The following REXO4 variants were observed in gnomAD, a reference collection of about 807,000 sequenced individuals.
REXO4 encodes REX4 homolog, 3'-5' exonuclease.
Under a neutral mutation model 39.9 loss-of-function variants are expected in REXO4, and 29 were observed. The observed-to-expected ratio is 0.73, with a 90% CI of 0.54 to 0.99. The LOEUF is 0.99. Ranked by LOEUF, REXO4 falls within the 50% of genes least tolerant of loss-of-function variation. The probability of loss-of-function intolerance (pLI) is 0.00; values close to 1 mark genes in which losing one functional copy is unlikely to be tolerated. For missense variants in REXO4, 524 were observed against 546.5 expected, an observed-to-expected ratio of 0.96 and a Z score of 0.41; for synonymous variants, 184 against 206.2, an observed-to-expected ratio of 0.89 and a Z score of 0.92.
At position 133,417,638 on chromosome 9, in the gene REXO4, G is replaced by C. The variant is rs782687368; in HGVS notation, c.207C>G (p.Asn69Lys). ...GCCTCACCTCTTGCAGCGCCTTCCA[G>C]TTTTGAGAAAAGTCTTCTGGTGCCT... is the stretch of plus-strand genomic sequence containing the variant. ...PPKAPEDFSQ[N>K]WKALQEWLLK... is the part of the protein sequence containing the mutation. The change falls in exon 1 of 8, where the codon AAC becomes AAG. Residue 69 changes from asparagine (N) to lysine (K), a missense_variant. Coordinates refer to ENST00000371942, the MANE Select transcript of REXO4 (RefSeq NM_020385.4). 1.6e-5 allele frequency: 26 copies of C among 1,613,748 alleles called. No homozygotes were observed. In the South Asian group the frequency reaches 2.5e-4, roughly 16 times the overall value.
intron 2 of REXO4, among the ~76,000 whole-genome samples, chr9:133,413,459 G>A (rs782031478): frequency 6.6e-6 from 1 of 151,934 alleles, no homozygotes; most frequent in Non-Finnish European, 1.5e-5. Context: ...TAGGAACACA[G>A]ACAAACACAA....
intron 4 of REXO4, 123 bp downstream of exon 4, chr9:133,412,176 A>G: frequency 1.0e-6 from 1 of 987,718 alleles, no homozygotes; most frequent in East Asian, 2.4e-5. Context: ...TCGCCCCAAA[A>G]GGAGACAAGA....
intron 5 of REXO4, 92 bp from the exon 6 acceptor site, chr9:133,408,934 T>TTGTG (rs71503345): frequency 0.018 from 5,821 of 319,838 alleles, 166 homozygotes; most frequent in African/African-American, 0.066. Context: ...AGTAACATCT[T>TTGTG]TGTGTGTGTG....
intron 1 of REXO4, among the ~76,000 whole-genome samples, 191 bp downstream of exon 1, chr9:133,417,429 C>A (rs1309890492): frequency 6.6e-6 from 1 of 152,264 alleles, no homozygotes; most frequent in Admixed American, 6.5e-5. Flanking sequence ...ATAATTCTTT[C>A]ATCAATTTCT....
intron 2 of REXO4, chr9:133,414,346 C>T (rs1554780940): frequency 5.4e-6 from 3 of 557,660 alleles, no homozygotes; most frequent in Non-Finnish European, 1.0e-5. Flanking sequence ...CAGAAACTTG[C>T]CCCAAACCAC....
At chr9:133,409,218 C>T (rs1027440408) in intron 5 of REXO4, among the ~76,000 whole-genome samples, 21 of 152,198 alleles carry the variant, frequency 1.4e-4, no homozygotes, top group South Asian at 4.2e-4. Context: ...CCACCCGCCT[C>T]GGCCTCCCAA....
chr9:133,412,733 C>T (rs781828667), intron 3 of REXO4, 45 bp downstream of exon 3: 23 of 1,599,598 alleles, frequency 1.4e-5, no homozygotes, highest in East Asian at 6.7e-5. Context: ...CCGCCCTCCA[C>T]GGCTAAGCAT....
At chr9:133,418,118 G>C (rs1554782186), upstream of REXO4, 5 of 497,824 alleles carry the variant, frequency 1.0e-5, no homozygotes, top group Non-Finnish European at 1.8e-5. Context: ...TCACCCGCAC[G>C]GGACTTGGGC....
In REXO4 at chr9:133,417,807, G is replaced by A. The variant is rs148117957; in HGVS notation, c.38C>T (p.Pro13Leu). 6.2e-7 allele frequency: 1 copy of A among 1,606,570 alleles called. No individual in the cohort carries two copies. Among genetic ancestry groups the A allele is most frequent in the Non-Finnish European group, 8.5e-7 (1 of 1,179,798 alleles). The change falls in exon 1 of 8, where the codon CCG becomes CTG. Residue 13 changes from proline to leucine, a missense_variant. Transcript: ENST00000371942. ...ACCCGGCTTAGCCACGGGGCTGCTCGGGGCGCGCTTGGAGGCGGGGACCTT... is the reference window on the plus strand; with the variant it reads ...ACCCGGCTTAGCCACGGGGCTGCTCAGGGCGCGCTTGGAGGCGGGGACCTT... ...KAKVPASKRA[P>L]SSPVAKPGPV...
intron 1 of REXO4, 43 bp from the exon 2 acceptor site, chr9:133,415,054 AT>A: frequency 6.6e-7 from 1 of 1,519,530 alleles, no homozygotes. Flanking sequence ...GAATTTGGAA[AT>A]TACACACAGC....
At chr9:133,414,503 C>T (rs1839436846) in intron 2 of REXO4, 162 bp downstream of exon 2, 1 of 745,004 alleles carries the variant, frequency 1.3e-6, no homozygotes, top group Non-Finnish European at 2.4e-6. Flanking sequence ...ATCATGCGCA[C>T]ACTCTAGGGG....
At chr9:133,410,353 C>A in intron 5 of REXO4, among the ~76,000 whole-genome samples, 1 of 152,244 alleles carries the variant, frequency 6.6e-6, no homozygotes, top group East Asian at 1.9e-4. Flanking sequence ...TAAATACACA[C>A]GTACTCGCTC....
chr9:133,418,169 G>A (rs1314781525), upstream of REXO4: 16 of 389,738 alleles, frequency 4.1e-5, no homozygotes, highest in Non-Finnish European at 7.4e-5. Flanking sequence ...TCGACCTCGA[G>A]TTTGACTGGG....
chr9:133,409,111 GC>G (rs1839083956), intron 5 of REXO4, among the ~76,000 whole-genome samples: 3 of 151,926 alleles, frequency 2.0e-5, no homozygotes, highest in African/African-American at 7.3e-5. Context: ...GATTACAAGT[GC>G]CCGCCACCAT....
At chr9:133,415,575 T>C (rs1839539290) in intron 1 of REXO4, 1 of 153,028 alleles carries the variant, frequency 6.5e-6, no homozygotes, top group Admixed American at 6.5e-5. Context: ...GCTCCTGTAG[T>C]CTTAGAGCCC....
intron 4 of REXO4, 25 bp from the exon 5 acceptor site, chr9:133,411,098 G>T (rs1554780038): frequency 6.3e-7 from 1 of 1,598,610 alleles, no homozygotes; most frequent in East Asian, 2.2e-5. Flanking sequence ...CAAAGAAGCG[G>T]TTTTTTGCAA....
intron 7 of REXO4, 135 bp downstream of exon 7, chr9:133,407,672 T>C (rs377434334): frequency 5.0e-6 from 3 of 605,122 alleles, no homozygotes; most frequent in African/African-American, 1.9e-5. Flanking sequence ...CATTTTTTTT[T>C]TTTGACCAAT....
chr9:133,408,372 T>C (rs1588129183), intron 6 of REXO4, among the ~76,000 whole-genome samples: 2 of 152,130 alleles, frequency 1.3e-5, no homozygotes, highest in Non-Finnish European at 1.5e-5. Context: ...GGTGGAAGGA[T>C]TGCCTGAGCC....
chr9:133,414,878 G>A lies in REXO4; in HGVS notation c.359C>T (p.Pro120Leu), dbSNP rs181933135. ...TSPQVKGEEMPAGKDQEASRG... is the reference protein window; with the variant it reads ...TSPQVKGEEMLAGKDQEASRG... ...GCTGGCCTCCTGGTCTTTTCCTGCC[G>A]GCATCTCCTCTCCCTTCACTTGAGG... The change falls in exon 2 of 8, where the codon CCG becomes CTG. Residue 120 changes from proline (P) to leucine (L), a missense_variant. Pro to Leu is a moderately conservative substitution (Grantham distance 98). Transcript: ENST00000371942. 7.1e-5 allele frequency: 115 copies of A among 1,614,030 alleles called. No homozygotes were observed. The highest frequency in any genetic ancestry group is 9.1e-5 in the Non-Finnish European group (107 of 1,180,006).
Sources: allele counts gnomAD v4.1 joint callset (sites outside exome capture counted in the v4.1 genomes callset), GRCh38; gene constraint gnomAD v4.1.1; transcripts MANE v1.5; gene names NCBI Gene and HGNC (gene_info 2026-07-23, HGNC 2026-07-21).